The following MAPT variants were observed in gnomAD, a reference collection of about 807,000 sequenced individuals.
MAPT encodes the protein microtubule associated protein tau, also known as microtubule-associated protein tau.
MAPT carries 34 observed loss-of-function variants against 67.9 expected under a neutral mutation model. That is an observed-to-expected ratio of 0.50 (90% CI 0.38 to 0.67). MAPT has a LOEUF of 0.67. Ranked by LOEUF, MAPT falls within the 30% of genes least tolerant of loss-of-function variation. The pLI, the probability that MAPT is intolerant of heterozygous loss-of-function variation, is 0.00. For synonymous variants in MAPT, 456 were observed against 464.5 expected, an observed-to-expected ratio of 0.98 and a Z score of 0.23; for missense variants, 881 against 1,115.2, an observed-to-expected ratio of 0.79 and a Z score of 2.99.
At chr17:45,898,314 A>T (rs1465166107) in intron 1 of MAPT, 2 of 152,238 alleles carry the variant, frequency 1.3e-5, no homozygotes, top group Non-Finnish European at 2.9e-5. Context: ...GTGGTTTCTA[A>T]TATCAGGCAT....
chr17:45,915,253 TG>T lies in MAPT; in HGVS notation c.-18+20568del, dbSNP rs2065103015. 6.6e-6 allele frequency among the ~76,000 whole-genome samples: 1 copy of T among 151,342 alleles called. No homozygotes were observed. Among genetic ancestry groups the T allele is most frequent in the Non-Finnish European group, 1.5e-5 (1 of 67,848 alleles). On this transcript the variant is annotated intron_variant, in intron 1 of 12. Coordinates refer to ENST00000262410, the MANE Select transcript of MAPT (RefSeq NM_001377265.1). This position sits in a 1 kb window ranked among gnomAD's most constrained non-coding sequence, Gnocchi z 4.4. ...GGGATGGGGGTGAGTGTGTGTGGTG[TG>T]TAAGCATGAGTGTGTATGTGTGTGG... is the stretch of plus-strand genomic sequence containing the variant.
At chr17:45,945,821 A>G (rs1339451428) in intron 1 of MAPT, among the ~76,000 whole-genome samples, 1 of 145,492 alleles carries the variant, frequency 6.9e-6, no homozygotes, top group East Asian at 2.0e-4. Context: ...TCAAAAAAAA[A>G]GAAAAAAAGA....
In MAPT at chr17:45,968,993, A is replaced by G. The variant is rs1444811706; in HGVS notation, c.134-2866A>G. Reference sequence around the variant, plus strand: ...GGTTAGGTAATTCGCTCAGCCTCACACAACCAATAGGTGGTGGAGCCAGGA... The same window carrying G: ...GGTTAGGTAATTCGCTCAGCCTCACGCAACCAATAGGTGGTGGAGCCAGGA... On this transcript the variant is annotated intron_variant, in intron 2 of 12. Transcript: ENST00000262410. Among the ~76,000 whole-genome samples the G allele has an allele frequency of 2.6e-5, 4 of 152,350 alleles. No homozygotes were observed. The East Asian group carries it at 7.7e-4, about 29-fold the overall frequency.
intron 9 of MAPT, chr17:45,999,220 TA>T: frequency 6.4e-7 from 1 of 1,557,124 alleles, no homozygotes. Flanking sequence ...TCTCTCTTCT[TA>T]AAGCCCCTGT....
intron 1 of MAPT, among the ~76,000 whole-genome samples, chr17:45,941,673 C>CCTTCCCTCCTTCCTT (rs1568207299): frequency 3.5e-5 from 1 of 28,500 alleles, no homozygotes; most frequent in Non-Finnish European, 7.7e-5. Flanking sequence ...CCCCCTTCCC[C>CCTTCCCTCCTTCCTT]CCTTCCCTCC....
chr17:46,008,734 T>C (rs62064671), intron 9 of MAPT, among the ~76,000 whole-genome samples: 21,799 of 152,148 alleles, frequency 0.14, 2,134 homozygotes, highest in Non-Finnish European at 0.22. Flanking sequence ...CAACCCCAGA[T>C]CCGACAGCCC....
intron 9 of MAPT, among the ~76,000 whole-genome samples, chr17:46,004,475 T>G (rs957806568): frequency 7.2e-5 from 11 of 152,210 alleles, no homozygotes; most frequent in Non-Finnish European, 1.6e-4. Context: ...TTGCAACACA[T>G]CGTTCTCTCC....
At chr17:46,002,221 T>G (rs1210745648) in intron 9 of MAPT, among the ~76,000 whole-genome samples, 1 of 152,048 alleles carries the variant, frequency 6.6e-6, no homozygotes, top group Admixed American at 6.6e-5. Flanking sequence ...GAAGAGAGGC[T>G]CAGTTCAGCT....
chr17:45,914,354 G>T (rs529849764), intron 1 of MAPT, among the ~76,000 whole-genome samples: 2 of 150,098 alleles, frequency 1.3e-5, no homozygotes, highest in East Asian at 2.4e-4. Context: ...AGGCATCCAT[G>T]GGGGGACACA....
intron 1 of MAPT, among the ~76,000 whole-genome samples, chr17:45,904,319 ATAATATATATTATATATTATATATATATT>A (rs1165858912): frequency 1.3e-4 from 8 of 62,470 alleles, no homozygotes; most frequent in African/African-American, 4.9e-4. Flanking sequence ...AAAAACATAT[ATAATATATATTATATATTATATATATATT>A]ATATATATTA....
At chr17:46,005,035 C>T (rs1215373624) in intron 9 of MAPT, among the ~76,000 whole-genome samples, 1 of 152,208 alleles carries the variant, frequency 6.6e-6, no homozygotes, top group Non-Finnish European at 1.5e-5. Context: ...CTGCCTGCCT[C>T]GGCCTCCCAA....
chr17:45,905,877 TG>T (rs1408344468), intron 1 of MAPT, among the ~76,000 whole-genome samples: 1 of 152,270 alleles, frequency 6.6e-6, no homozygotes, highest in African/African-American at 2.4e-5. Flanking sequence ...GCTGCAGGGC[TG>T]GGGGATGCCT....
intron 11 of MAPT, among the ~76,000 whole-genome samples, chr17:46,015,252 C>T (rs919635475): frequency 5.9e-5 from 9 of 151,360 alleles, no homozygotes; most frequent in Non-Finnish European, 1.3e-4. Flanking sequence ...CCCAGCTACT[C>T]GGGAGGCTGA....
rs1286521130 is a variant in MAPT, at chr17:45,983,551, C to T, written c.972C>T (p.Ala324=). 2.5e-6 allele frequency: 4 copies of T among 1,613,072 alleles called. No individual in the cohort carries two copies. Among genetic ancestry groups the T allele is most frequent in the South Asian group, 1.1e-5 (1 of 91,082 alleles). ...AAGATGGGCGGCCTCCCCAGACAGCCGCCAGAGAAGCCACCAGCATCCCAG... is the reference window on the plus strand; with the variant it reads ...AAGATGGGCGGCCTCCCCAGACAGCTGCCAGAGAAGCCACCAGCATCCCAG... ...PAQDGRPPQT[A]AREATSIPGF... The change falls in exon 5 of 13, where the codon GCC becomes GCT. Residue 324 remains alanine, a synonymous_variant. Coordinates refer to ENST00000262410, the MANE Select transcript of MAPT (RefSeq NM_001377265.1).
chr17:45,987,181 TGTG>T (rs2073637030), intron 6 of MAPT, 86 bp downstream of exon 6: 1 of 1,278,282 alleles, frequency 7.8e-7, no homozygotes, highest in African/African-American at 1.5e-5. Flanking sequence ...TCATATATAA[TGTG>T]GGGAGTATTT....
intron 9 of MAPT, among the ~76,000 whole-genome samples, chr17:46,000,949 G>A (rs2074950330): frequency 6.6e-6 from 1 of 152,198 alleles, no homozygotes. Context: ...ATTTTGTTGG[G>A]GCCAGGTGTG....
Position 45,983,746 on chromosome 17 carries a change from G to A in MAPT, c.1167G>A (p.Glu389=). Residue 389 remains glutamate (E), a synonymous_variant, in exon 5 of 13, where the codon GAG becomes GAA. Coordinates refer to ENST00000262410, the MANE Select transcript of MAPT (RefSeq NM_001377265.1). The part of the protein sequence containing the change: ...HVEITPNVQK[E]QAHSEEHLGR... ...AAATCACACCCAACGTGCAGAAGGA[G>A]CAGGCGCACTCGGAGGAGCATTTGG... 1 of 1,614,192 alleles carries A rather than the reference G, an allele frequency of 6.2e-7. No individual in the cohort carries two copies. Among genetic ancestry groups the A allele is most frequent in the Non-Finnish European group, 8.5e-7 (1 of 1,180,042 alleles).
chr17:46,018,384 G>T (rs561484401), intron 11 of MAPT, among the ~76,000 whole-genome samples: 1 of 152,224 alleles, frequency 6.6e-6, no homozygotes, highest in African/African-American at 2.4e-5. Context: ...ACTTCTAAAG[G>T]CTGGTCTCTA....
chr17:45,926,765 C>T (rs1291055838), intron 1 of MAPT, among the ~76,000 whole-genome samples: 1 of 152,098 alleles, frequency 6.6e-6, no homozygotes, highest in Non-Finnish European at 1.5e-5. Context: ...ACCCTTTTAT[C>T]TTGCTAACTT....
Sources: allele counts gnomAD v4.1 joint callset (sites outside exome capture counted in the v4.1 genomes callset), GRCh38; gene constraint gnomAD v4.1.1; non-coding constraint Gnocchi (gnomAD v3.1); transcripts MANE v1.5; gene names NCBI Gene and HGNC (gene_info 2026-07-23, HGNC 2026-07-21).